Variants in EPB41L1 observed in about 807,000 individuals in gnomAD.
EPB41L1 encodes erythrocyte membrane protein band 4.1 like 1.
In EPB41L1, 29 loss-of-function variants were observed where a neutral mutation model predicts 97.8. The observed-to-expected ratio is 0.30, with a 90% CI of 0.22 to 0.40. EPB41L1 has a LOEUF of 0.40. Among genes scored for constraint, EPB41L1 ranks in the 10% least tolerant of loss-of-function variants. EPB41L1 has a pLI of 1.00. For missense variants in EPB41L1, 812 were observed against 1,162.3 expected, an observed-to-expected ratio of 0.70 and a Z score of 4.38; for synonymous variants, 383 against 459.2, an observed-to-expected ratio of 0.83 and a Z score of 2.12.
intron 14 of EPB41L1, among the ~76,000 whole-genome samples, chr20:36,200,497 G>T (rs1335054866): frequency 1.3e-5 from 2 of 152,174 alleles, no homozygotes; most frequent in Admixed American, 1.3e-4. Flanking sequence ...GTTTAAAGGG[G>T]GCTGTAATCC....
At chr20:36,208,184 C>T (rs2062931710) in intron 14 of EPB41L1, 1 of 317,092 alleles carries the variant, frequency 3.2e-6, no homozygotes, top group African/African-American at 2.2e-5. Context: ...CCCTGGTTCT[C>T]CCGCCTTGGG....
At chr20:36,106,083 G>A (rs1471163215) in intron 1 of EPB41L1, among the ~76,000 whole-genome samples, 1 of 152,188 alleles carries the variant, frequency 6.6e-6, no homozygotes, top group African/African-American at 2.4e-5. Flanking sequence ...GGAGGGCAGG[G>A]TGCCTAGCCC....
At position 36,209,805 on chromosome 20, in the gene EPB41L1, C is replaced by A. The variant is rs1309499162; in HGVS notation, c.1986C>A (p.Asn662Lys). Reference sequence around the variant, plus strand: ...GCCTGCTGTTCTCCCGGGATCTCAACAAGGGGGCCCCCAGCCAGGATGATG... The same window carrying A: ...GCCTGCTGTTCTCCCGGGATCTCAAAAAGGGGGCCCCCAGCCAGGATGATG... ...TEGLLFSRDL[N>K]KGAPSQDDES... The change falls in exon 15 of 22, where the codon AAC (asparagine) becomes AAA (lysine). Residue 662 changes from asparagine to lysine, a missense_variant. Asn to Lys is a moderately conservative substitution (Grantham distance 94). Around this residue, in one of 3 missense-constraint regions of EPB41L1, gnomAD observed 498 missense variants for 622.7 expected, o/e 0.80. Coordinates refer to ENST00000338074, the MANE Select transcript of EPB41L1 (RefSeq NM_012156.2). This position sits in a 1 kb window ranked among gnomAD's most constrained non-coding sequence, Gnocchi z 4.2. 6.2e-7 allele frequency: 1 copy of A among 1,613,840 alleles called. No individual in the cohort carries two copies. Among genetic ancestry groups the A allele is most frequent in the Non-Finnish European group, 8.5e-7 (1 of 1,179,930 alleles).
intron 7 of EPB41L1, 105 bp downstream of exon 7, chr20:36,185,440 C>T (rs1325664966): frequency 1.2e-5 from 13 of 1,080,886 alleles, no homozygotes; most frequent in African/African-American, 7.8e-5. Context: ...GTTTGTACCC[C>T]GCCTGGCTCT....
intron 1 of EPB41L1, among the ~76,000 whole-genome samples, chr20:36,095,268 G>T (rs11698261): frequency 0.25 from 37,617 of 151,530 alleles, 5,778 homozygotes; most frequent in African/African-American, 0.44. Flanking sequence ...CACCGTGCTC[G>T]GCCTAATTTT....
chr20:36,204,190 C>G (rs532303041), intron 14 of EPB41L1, among the ~76,000 whole-genome samples: 1 of 152,134 alleles, frequency 6.6e-6, no homozygotes, highest in Non-Finnish European at 1.5e-5. Context: ...ATCTGTATCA[C>G]GAGGGGCTCT....
At chr20:36,122,858 T>C (rs571533964) in intron 2 of EPB41L1, 15 of 152,260 alleles carry the variant, frequency 9.9e-5, no homozygotes, top group African/African-American at 3.6e-4. Context: ...ATGATTCTAG[T>C]TGGGGTTCTA....
Position 36,207,874 on chromosome 20 carries a change from G to T in EPB41L1, c.1669-1614G>T. ...TAGTTTTTAGAAGCATGTTTCAGTGGCCCCTCGTCATTTCTGCAATCAGAG... is the reference window on the plus strand; with the variant it reads ...TAGTTTTTAGAAGCATGTTTCAGTGTCCCCTCGTCATTTCTGCAATCAGAG... On this transcript the variant is annotated intron_variant, in intron 14 of 21. Transcript: ENST00000338074. This position sits in a 1 kb window ranked among gnomAD's most constrained non-coding sequence, Gnocchi z 4.9. 1 of 1,177,262 alleles carries T rather than the reference G, an allele frequency of 8.5e-7. No individual in the cohort carries two copies. The highest frequency in any genetic ancestry group is 1.1e-6 in the Non-Finnish European group (1 of 923,952). 72.9% of individuals were successfully genotyped at this position (1,177,262 alleles called of 1,614,324 possible). A position where few individuals can be genotyped will look rare whatever the true frequency, so the allele number is the denominator to read the frequency against.
chr20:36,148,257 T>G (rs968315033), intron 2 of EPB41L1, among the ~76,000 whole-genome samples: 4 of 152,164 alleles, frequency 2.6e-5, no homozygotes, highest in Non-Finnish European at 5.9e-5. Context: ...TTAAAACCCT[T>G]GGACAGGTCA....
At chr20:36,156,090 C>T in intron 1 of EPB41L1, among the ~76,000 whole-genome samples, 1 of 152,198 alleles carries the variant, frequency 6.6e-6, no homozygotes, top group East Asian at 1.9e-4. Flanking sequence ...CAGATGGAGC[C>T]TGCGGCAGAG....
intron 2 of EPB41L1, among the ~76,000 whole-genome samples, chr20:36,122,249 G>A (rs1402997576): frequency 2.0e-5 from 3 of 152,146 alleles, no homozygotes; most frequent in South Asian, 2.1e-4. Context: ...CCCAACTGAC[G>A]CAAACAGCCT....
chr20:36,134,241 A>G (rs2059331686), intron 2 of EPB41L1, among the ~76,000 whole-genome samples: 1 of 152,200 alleles, frequency 6.6e-6, no homozygotes, highest in Admixed American at 6.5e-5. Context: ...CTTAAGCTTG[A>G]CACAACAAGA....
At chr20:36,146,747 G>A (rs567973015) in intron 2 of EPB41L1, among the ~76,000 whole-genome samples, 102 of 152,188 alleles carry the variant, frequency 6.7e-4, no homozygotes, top group Non-Finnish European at 1.2e-3. Context: ...AAATGTTTGT[G>A]ATCTGACAGC....
intron 2 of EPB41L1, among the ~76,000 whole-genome samples, chr20:36,134,959 G>A (rs186660205): frequency 2.2e-3 from 336 of 150,958 alleles, no homozygotes; most frequent in Non-Finnish European, 3.8e-3. Context: ...CACCTCCTGG[G>A]TTCAAGTGAT....
chr20:36,151,861 G>C (rs2060063102), upstream of EPB41L1: 1 of 152,242 alleles, frequency 6.6e-6, no homozygotes, highest in Admixed American at 6.5e-5. Flanking sequence ...CAGCACTTTG[G>C]GAGGCCGAGG....
rs1029052659 is a variant in EPB41L1 at position 36,190,060 on chromosome 20, T to C, written c.1027-217T>C. On this transcript the variant is annotated intron_variant, in intron 9 of 21. Transcript: ENST00000338074. This position sits in a 1 kb window ranked among gnomAD's most constrained non-coding sequence, Gnocchi z 5.8. ...GTGTGGTGTCGTCTGACTGTAGTCC[T>C]GGCTACTTGGGAGGCTGAGGCAGGA... Among the ~76,000 whole-genome samples the C allele has an allele frequency of 3.3e-5, 5 of 152,132 alleles. No individual in the cohort carries two copies. In the East Asian group the frequency reaches 7.7e-4, roughly 24 times the overall value.
At chr20:36,124,378 G>A (rs2058877459) in intron 2 of EPB41L1, among the ~76,000 whole-genome samples, 1 of 152,198 alleles carries the variant, frequency 6.6e-6, no homozygotes, top group Admixed American at 6.5e-5. Flanking sequence ...AGAGCCCTGA[G>A]TGAGCCGGTT....
intron 2 of EPB41L1, among the ~76,000 whole-genome samples, chr20:36,118,666 TA>T (rs1293810918): frequency 6.6e-6 from 1 of 152,210 alleles, no homozygotes; most frequent in Non-Finnish European, 1.5e-5. Flanking sequence ...TCAATTTTTT[TA>T]AAAAAGAATA....
At position 36,232,741 on chromosome 20, in the gene EPB41L1, GCT is replaced by G. The variant is rs1481369584; in HGVS notation, c.*3406_*3407del. 2 of 398,130 alleles carry G rather than the reference GCT, an allele frequency of 5.0e-6. No individual in the cohort carries two copies. Among genetic ancestry groups the G allele is most frequent in the East Asian group, 3.6e-5 (1 of 28,034 alleles). The allele number at this position is 398,130 out of a possible 1,614,324, so 24.7% of individuals were successfully genotyped here. A position where few individuals can be genotyped will look rare whatever the true frequency, so the allele number is the denominator to read the frequency against. On this transcript the variant is annotated 3_prime_UTR_variant, in exon 22 of 22. Transcript: ENST00000338074. ...TCAGTGCTCCGTGCTGTATGCGTGTGCTCTCTGTTCTTGTATACTCAATATAA... is the reference window on the plus strand; with the variant it reads ...TCAGTGCTCCGTGCTGTATGCGTGTGCTCTGTTCTTGTATACTCAATATAA...
Sources: gnomAD v4.1 joint callset for allele counts (sites outside exome capture counted in the v4.1 genomes callset) on GRCh38, gnomAD v4.1.1 for gene constraint, gnomAD v4.1.1 regional missense constraint, Gnocchi (gnomAD v3.1) non-coding constraint, MANE v1.5 for transcripts, NCBI Gene and HGNC (gene_info 2026-07-23, HGNC 2026-07-21) for gene names.